CPA6: variants seen among roughly 807,000 people sequenced by gnomAD.
CPA6 encodes the protein carboxypeptidase B.
CPA6 carries 58 observed loss-of-function variants against 63.3 expected under a neutral mutation model. The ratio of observed to expected loss-of-function variants is 0.92; its 90% CI spans 0.74 to 1.14. The LOEUF (loss-of-function observed/expected upper bound fraction) is 1.14. CPA6 is among the 50% of genes most tolerant of loss of function. CPA6 has a pLI of 0.00. For missense variants in CPA6, 565 were observed against 526.6 expected (o/e 1.07, Z -0.71); for synonymous variants, 185 against 179.0 (o/e 1.03, Z -0.27).
Position 67,640,206 on chromosome 8 carries a change from T to C in CPA6, c.117-15955A>G, listed in dbSNP as rs369254071. ...GCTTCGGCTCCCCCCAGCTTGGAGG[T>C]GGGGCTTCACCAGGGACCTGCCCCC... On this transcript the variant is annotated intron_variant, in intron 1 of 10. Coordinates refer to ENST00000297770, the MANE Select transcript of CPA6 (RefSeq NM_020361.5). Among the ~76,000 whole-genome samples, 10 of 150,734 alleles carry C rather than the reference T, an allele frequency of 6.6e-5. 1 individual carries two copies. Among genetic ancestry groups the C allele is most frequent in the Admixed American group, 2.6e-4 (4 of 15,204 alleles).
intron 2 of CPA6, among the ~76,000 whole-genome samples, chr8:67,576,972 T>C (rs1266204776): frequency 6.6e-6 from 1 of 151,994 alleles, no homozygotes; most frequent in Non-Finnish European, 1.5e-5. Context: ...CAAGCGATTC[T>C]CCTATCTTAG....
intron 2 of CPA6, among the ~76,000 whole-genome samples, chr8:67,519,154 G>T (rs954344473): frequency 6.6e-6 from 1 of 152,202 alleles, no homozygotes; most frequent in Admixed American, 6.5e-5. Context: ...CAGGAAAGCA[G>T]AAGCCACATC....
At chr8:67,456,808 G>A (rs1810686569) in intron 8 of CPA6, among the ~76,000 whole-genome samples, 1 of 152,218 alleles carries the variant, frequency 6.6e-6, no homozygotes, top group South Asian at 2.1e-4. Context: ...GGTCCTATAT[G>A]TAATTACAGG....
Position 67,487,008 on chromosome 8 carries a change from G to C in CPA6, c.637-2219C>G, listed in dbSNP as rs115805052. On this transcript the variant is annotated intron_variant, in intron 6 of 10. Transcript: ENST00000297770. ...AGCCTCCCAAGTAGCTGGGACTTCA[G>C]GCAGGAGCCACTTGGCTAAATATTA... Among the ~76,000 whole-genome samples the C allele has an allele frequency of 2.8e-3, 425 of 152,012 alleles. 7 individuals carry two copies. The highest frequency in any genetic ancestry group is 9.4e-3 in the African/African-American group (390 of 41,470).
chr8:67,592,328 G>A (rs1027544088), intron 2 of CPA6, among the ~76,000 whole-genome samples: 1 of 152,188 alleles, frequency 6.6e-6, no homozygotes, highest in Non-Finnish European at 1.5e-5. Context: ...TGTTTGTCAA[G>A]GATATTGGTC....
At chr8:67,706,465 A>T (rs2128999545) in intron 1 of CPA6, among the ~76,000 whole-genome samples, 1 of 152,296 alleles carries the variant, frequency 6.6e-6, no homozygotes, top group East Asian at 1.9e-4. Context: ...AAAGTAGAAC[A>T]CGTTTCTGGT....
chr8:67,675,666 A>G (rs1563388418), intron 1 of CPA6, among the ~76,000 whole-genome samples: 1 of 152,168 alleles, frequency 6.6e-6, no homozygotes, highest in Non-Finnish European at 1.5e-5. Flanking sequence ...ATCACAACGA[A>G]AGGCCAGTCT....
At chr8:67,741,364 C>T (rs1446755941) in intron 1 of CPA6, among the ~76,000 whole-genome samples, 2 of 152,286 alleles carry the variant, frequency 1.3e-5, no homozygotes, top group South Asian at 2.1e-4. Flanking sequence ...CAAGGATGTT[C>T]ACCTCTCCTT....
intron 6 of CPA6, among the ~76,000 whole-genome samples, chr8:67,501,941 C>T (rs1046948489): frequency 1.5e-4 from 23 of 152,298 alleles, no homozygotes; most frequent in African/African-American, 5.3e-4. Context: ...TTCAAATTCT[C>T]TACTTTCTAA....
intron 1 of CPA6, among the ~76,000 whole-genome samples, chr8:67,692,210 C>T (rs1334627787): frequency 2.0e-5 from 3 of 151,986 alleles, no homozygotes; most frequent in Non-Finnish European, 4.4e-5. Context: ...GTGGCGCATG[C>T]CTCTAATCCC....
intron 6 of CPA6, among the ~76,000 whole-genome samples, chr8:67,485,413 T>A (rs1164097484): frequency 6.6e-6 from 1 of 152,210 alleles, no homozygotes. Flanking sequence ...CATGATTGTA[T>A]GTATTGCTAC....
At chr8:67,547,205 C>A in intron 2 of CPA6, among the ~76,000 whole-genome samples, 1 of 152,050 alleles carries the variant, frequency 6.6e-6, no homozygotes, top group South Asian at 2.1e-4. Flanking sequence ...CGCCACCACG[C>A]CCGGCTAAAT....
chr8:67,724,234 C>T (rs749972878), intron 1 of CPA6, among the ~76,000 whole-genome samples: 1 of 152,274 alleles, frequency 6.6e-6, no homozygotes. Flanking sequence ...TCCTACATGG[C>T]CTTCTCACAC....
intron 4 of CPA6, among the ~76,000 whole-genome samples, chr8:67,510,584 AGATAATTTT>A (rs1304232459): frequency 6.6e-6 from 1 of 152,170 alleles, no homozygotes; most frequent in Non-Finnish European, 1.5e-5. Flanking sequence ...AAATATGTGG[AGATAATTTT>A]GAAAGGAGAG....
chr8:67,486,293 T>C (rs1173714193), intron 6 of CPA6, among the ~76,000 whole-genome samples: 1 of 152,240 alleles, frequency 6.6e-6, no homozygotes, highest in Non-Finnish European at 1.5e-5. Context: ...ATGGATTGCA[T>C]ATGCCACTGT....
rs532031789 is a variant in CPA6, at chr8:67,613,706, G to T, written c.192+10470C>A. On this transcript the variant is annotated intron_variant, in intron 2 of 10. Transcript: ENST00000297770. ...CTGGGTAGAAGAGGGCAGTTCCTGG[G>T]CAAAGGCCCCACCCTCAAGCCTGTA... is the stretch of plus-strand genomic sequence containing the variant. Among the ~76,000 whole-genome samples the T allele has an allele frequency of 2.6e-5, 4 of 152,298 alleles. No individual in the cohort carries two copies. In the South Asian group the frequency reaches 8.3e-4, roughly 32 times the overall value.
At position 67,746,161 on chromosome 8, in the gene CPA6, T is replaced by C. The variant is rs768856269; in HGVS notation, c.-32A>G. 1 of 1,555,572 alleles carries C rather than the reference T, an allele frequency of 6.4e-7. No individual in the cohort carries two copies. The stretch of plus-strand genomic sequence containing the variant: ...AAGAAGAGAGGAGTTGAAAGTTACT[T>C]AAGCAGCCACCCGAGGCTGGAGGTG... On this transcript the variant is annotated 5_prime_UTR_variant, in exon 1 of 11. Transcript: ENST00000297770.
chr8:67,741,459 G>A (rs915668655), intron 1 of CPA6, among the ~76,000 whole-genome samples: 1 of 152,160 alleles, frequency 6.6e-6, no homozygotes, highest in Non-Finnish European at 1.5e-5. Context: ...GCCACAGACC[G>A]GTTCCAGTTG....
chr8:67,595,250 C>T (rs1369041804), intron 2 of CPA6, among the ~76,000 whole-genome samples: 2 of 152,192 alleles, frequency 1.3e-5, no homozygotes, highest in African/African-American at 4.8e-5. Context: ...AGTTTTGTCT[C>T]AGAGGAGTAC....
Sources: gnomAD v4.1 joint callset for allele counts (sites outside exome capture counted in the v4.1 genomes callset) on GRCh38, gnomAD v4.1.1 for gene constraint, MANE v1.5 for transcripts, NCBI Gene and HGNC (gene_info 2026-07-23, HGNC 2026-07-21) for gene names.